AKAP9: variants seen among roughly 807,000 people sequenced by gnomAD.
The protein encoded by AKAP9 is A-kinase anchoring protein 9.
In AKAP9, 311 loss-of-function variants were observed where a neutral mutation model predicts 488.5. The observed-to-expected ratio is 0.64, with a 90% confidence interval of 0.58 to 0.70. AKAP9 has a LOEUF of 0.70. Ranked by LOEUF, AKAP9 falls within the 30% of genes least tolerant of loss-of-function variation. AKAP9 has a pLI of 0.00. For synonymous variants in AKAP9, 1,462 were observed against 1,483.5 expected (o/e 0.99, Z 0.33); for missense variants, 4,215 against 4,374.5 (o/e 0.96, Z 1.03).
chr7:91,950,444 A>G (rs1792077431), intron 1 of AKAP9, among the ~76,000 whole-genome samples: 1 of 152,018 alleles, frequency 6.6e-6, no homozygotes, highest in Non-Finnish European at 1.5e-5. Flanking sequence ...GTTAGCCAGT[A>G]TGGTCTCAAT....
chr7:92,082,375 G>C (rs867202049), intron 31 of AKAP9, 147 bp from the exon 32 acceptor site: 1 of 777,084 alleles, frequency 1.3e-6, no homozygotes, highest in Middle Eastern at 3.8e-4. Context: ...AAGCTTCTCT[G>C]TTTTTGGAAA....
rs757442233 is a variant in AKAP9 at position 92,079,911 on chromosome 7, G to A, written c.7778G>A (p.Arg2593Lys). ...AATATTCAGAATTTAAATCAACTAA[G>A]AGAAGATGAGTTGGGGTCAGATATA... ...RTNIQNLNQL[R>K]EDELGSDISA... Residue 2593 changes from arginine to lysine, a missense_variant, in exon 31 of 50, where the codon AGA becomes AAA. By Grantham distance (26) the Arg-to-Lys change is conservative. Coordinates refer to ENST00000356239, the MANE Select transcript of AKAP9 (RefSeq NM_005751.5). 6.2e-7 allele frequency: 1 copy of A among 1,613,694 alleles called. No individual in the cohort carries two copies. Among genetic ancestry groups the A allele is most frequent in the Non-Finnish European group, 8.5e-7 (1 of 1,179,788 alleles).
intron 14 of AKAP9, among the ~76,000 whole-genome samples, chr7:92,028,011 GAA>G (rs1803597338): frequency 6.6e-6 from 1 of 152,046 alleles, no homozygotes; most frequent in Non-Finnish European, 1.5e-5. Context: ...CGTGCTCTCT[GAA>G]ACATGTGCTG....
At chr7:91,958,975 C>G (rs1169883915) in intron 1 of AKAP9, among the ~76,000 whole-genome samples, 5 of 152,142 alleles carry the variant, frequency 3.3e-5, no homozygotes, top group Non-Finnish European at 1.5e-5. Context: ...TTCTCCACCT[C>G]TCAGGCTCAA....
intron 7 of AKAP9, among the ~76,000 whole-genome samples, chr7:91,996,689 A>G (rs934059127): frequency 2.0e-5 from 3 of 152,212 alleles, no homozygotes; most frequent in African/African-American, 7.2e-5. Context: ...AATTTTAGCA[A>G]GAACTCACAA....
At chr7:92,006,896 C>T (rs192386817) in intron 8 of AKAP9, among the ~76,000 whole-genome samples, 27 of 152,166 alleles carry the variant, frequency 1.8e-4, no homozygotes, top group Non-Finnish European at 3.1e-4. Flanking sequence ...AAAGAGATAC[C>T]GGAGCTTAGA....
At chr7:91,980,918 C>A (rs1428759584) in intron 3 of AKAP9, among the ~76,000 whole-genome samples, 1 of 152,026 alleles carries the variant, frequency 6.6e-6, no homozygotes, top group South Asian at 2.1e-4. Flanking sequence ...AGACTATAAA[C>A]TATTCTGTAC....
intron 43 of AKAP9, among the ~76,000 whole-genome samples, chr7:92,098,657 T>C (rs1318165123): frequency 6.6e-6 from 1 of 152,232 alleles, no homozygotes; most frequent in Non-Finnish European, 1.5e-5. Context: ...GTCAGTATTC[T>C]AGCATTTCTT....
intron 24 of AKAP9, chr7:92,063,601 C>A: frequency 3.7e-6 from 2 of 536,264 alleles, no homozygotes; most frequent in Non-Finnish European, 4.8e-6. Flanking sequence ...TCTAGTTTTG[C>A]AGTGTTGCTG....
intron 18 of AKAP9, chr7:92,041,232 A>T: frequency 4.2e-6 from 1 of 240,068 alleles, no homozygotes; most frequent in Non-Finnish European, 8.1e-6. Flanking sequence ...TATATAGCAA[A>T]CTCACTTTGA....
At chr7:91,953,730 G>A (rs1332554870) in intron 1 of AKAP9, among the ~76,000 whole-genome samples, 1 of 152,112 alleles carries the variant, frequency 6.6e-6, no homozygotes, top group Non-Finnish European at 1.5e-5. Flanking sequence ...TTAAAATGGT[G>A]TGGATGTTAT....
chr7:92,046,761 TC>T (rs1298424317), intron 21 of AKAP9, among the ~76,000 whole-genome samples: 1 of 152,222 alleles, frequency 6.6e-6, no homozygotes, highest in East Asian at 1.9e-4. Context: ...AAAGTGTTTA[TC>T]AAATTATGCT....
At chr7:91,968,085 G>GT (rs1027972504) in intron 1 of AKAP9, among the ~76,000 whole-genome samples, 2 of 152,092 alleles carry the variant, frequency 1.3e-5, no homozygotes, top group African/African-American at 4.8e-5. Context: ...CCACAGGCAT[G>GT]TGCCACCATG....
At chr7:92,088,249 A>T (rs1814944540) in intron 37 of AKAP9, among the ~76,000 whole-genome samples, 1 of 152,198 alleles carries the variant, frequency 6.6e-6, no homozygotes, top group Admixed American at 6.5e-5. Context: ...GCACGATGCC[A>T]CTTTTGTAGT....
At position 92,080,050 on chromosome 7, in the gene AKAP9, A is replaced by T; in HGVS notation, c.7917A>T (p.Lys2639Asn). 6.4e-7 allele frequency: 1 copy of T among 1,564,604 alleles called. No homozygotes were observed. Among genetic ancestry groups the T allele is most frequent in the Middle Eastern group, 1.7e-4 (1 of 5,718 alleles). The part of the protein sequence containing the change: ...VEIAEKNVLE[K>N]EKKLLELQKL... ...TTGCAGAAAAAAATGTTTTAGAAAA[A>T]GAAAAGAAGCTGCTAGAACTACAGA... The change falls in exon 31 of 50, where the codon AAA (lysine) becomes AAT (asparagine). Residue 2639 changes from lysine (K) to asparagine (N), a missense_variant. By Grantham distance (94) the Lys-to-Asn change is moderately conservative. Coordinates refer to ENST00000356239, the MANE Select transcript of AKAP9 (RefSeq NM_005751.5).
At chr7:92,003,790 C>G (rs980111350) in intron 8 of AKAP9, among the ~76,000 whole-genome samples, 4 of 151,808 alleles carry the variant, frequency 2.6e-5, no homozygotes, top group Admixed American at 2.0e-4. Flanking sequence ...AGTATTAACT[C>G]TAAATATAGT....
In AKAP9 at chr7:92,045,079, T is replaced by C. The variant is rs201632145; in HGVS notation, c.5234T>C (p.Val1745Ala). 4 of 1,613,632 alleles carry C rather than the reference T, an allele frequency of 2.5e-6. No individual in the cohort carries two copies. The Middle Eastern group carries it at 4.9e-4, about 199-fold the overall frequency. Residue 1745 changes from valine to alanine, a missense_variant, in exon 21 of 50, where the codon GTT (valine) becomes GCT (alanine). By Grantham distance (64) the Val-to-Ala change is moderately conservative (BLOSUM62 0). Transcript: ENST00000356239. ...LLEVVKTTAAVEETIGRHVLG... is the reference protein window; with the variant it reads ...LLEVVKTTAAAEETIGRHVLG... ...GAAGTTGTAAAGACAACAGCAGCTG[T>C]TGAAGAAACAATTGGTCGCCATGTC... is the stretch of plus-strand genomic sequence containing the variant.
chr7:92,069,111 C>T (rs1331799190), intron 26 of AKAP9, among the ~76,000 whole-genome samples: 1 of 152,162 alleles, frequency 6.6e-6, no homozygotes, highest in African/African-American at 2.4e-5. Flanking sequence ...GCACAGATCC[C>T]TCTCACACCC....
chr7:91,974,032 C>A, intron 2 of AKAP9, 64 bp downstream of exon 2: 1 of 1,578,282 alleles, frequency 6.3e-7, no homozygotes, highest in South Asian at 1.1e-5. Flanking sequence ...TAACAACAGT[C>A]ATTAGCAACT....
Sources: gnomAD v4.1 joint callset for allele counts (sites outside exome capture counted in the v4.1 genomes callset) on GRCh38, gnomAD v4.1.1 for gene constraint, MANE v1.5 for transcripts, NCBI Gene and HGNC (gene_info 2026-07-23, HGNC 2026-07-21) for gene names.